Variants in MTUS1 observed in about 807,000 individuals in gnomAD.
MTUS1 encodes the protein microtubule associated scaffold protein 1.
In MTUS1, 109 loss-of-function variants were observed where a neutral mutation model predicts 120.8. That is an observed-to-expected ratio of 0.90 (90% confidence interval 0.77 to 1.06). The LOEUF is 1.06. MTUS1 is among the 50% of genes least tolerant of loss of function. The pLI is 0.00. For synonymous variants in MTUS1, 737 were observed against 550.5 expected, an observed-to-expected ratio of 1.34 and a Z score of -4.74; for missense variants, 2,210 against 1,486.3, an observed-to-expected ratio of 1.49 and a Z score of -8.01.
At chr8:17,658,460 C>T (rs925646942) in intron 8 of MTUS1, among the ~76,000 whole-genome samples, 12 of 152,148 alleles carry the variant, frequency 7.9e-5, no homozygotes, top group African/African-American at 2.7e-4. Context: ...CCTAGAAAAT[C>T]TTGAATTCCT....
intron 10 of MTUS1, 81 bp downstream of exon 10, chr8:17,654,480 T>G (rs1807759217): frequency 2.0e-6 from 2 of 1,018,440 alleles, no homozygotes; most frequent in African/African-American, 3.2e-5. Flanking sequence ...AAGCAGGAAG[T>G]TATGAATCAT....
At chr8:17,673,157 G>T (rs898364733) in intron 8 of MTUS1, among the ~76,000 whole-genome samples, 2 of 152,124 alleles carry the variant, frequency 1.3e-5, no homozygotes, top group Non-Finnish European at 2.9e-5. Context: ...AAGTTGGGTT[G>T]GTCATTTAGG....
chr8:17,730,203 G>A (rs993148177), intron 3 of MTUS1, among the ~76,000 whole-genome samples: 4 of 152,116 alleles, frequency 2.6e-5, no homozygotes, highest in Non-Finnish European at 5.9e-5. Context: ...GCAGGCCGGG[G>A]GTGGTGGCTC....
rs753198612 is a variant in MTUS1, at chr8:17,646,967, C to T, written c.3599+15G>A. 5.0e-5 allele frequency: 80 copies of T among 1,602,684 alleles called. No individual in the cohort carries two copies. The highest frequency in any genetic ancestry group is 6.6e-5 in the Non-Finnish European group (77 of 1,169,838). On this transcript the variant is annotated intron_variant, in intron 14 of 14. Coordinates refer to ENST00000693296, the MANE Select transcript of MTUS1 (RefSeq NM_001363059.2). ...AGCGGGGAGCTCGGGAGAAACAGCA[C>T]TGTTTTATTTTTACCTTGAGATTGC...
chr8:17,761,487 T>G (rs967905980), intron 1 of MTUS1, among the ~76,000 whole-genome samples: 1 of 152,188 alleles, frequency 6.6e-6, no homozygotes, highest in Admixed American at 6.5e-5. Context: ...AAATCAGTTG[T>G]CAATAGCAGA....
chr8:17,702,242 C>A (rs575556634), intron 6 of MTUS1, among the ~76,000 whole-genome samples: 1 of 152,292 alleles, frequency 6.6e-6, no homozygotes, highest in South Asian at 2.1e-4. Context: ...TTCGCCAGTA[C>A]CAGGTGCTAA....
At chr8:17,783,667 T>C (rs1368199793) in intron 1 of MTUS1, among the ~76,000 whole-genome samples, 1 of 152,186 alleles carries the variant, frequency 6.6e-6, no homozygotes, top group African/African-American at 2.4e-5. Context: ...AAGACGGTCC[T>C]TGAGTCTGAC....
At chr8:17,753,087 G>T (rs1403059276) in intron 2 of MTUS1, among the ~76,000 whole-genome samples, 2 of 152,132 alleles carry the variant, frequency 1.3e-5, no homozygotes, top group African/African-American at 4.8e-5. Context: ...ATAAGTAAAA[G>T]ATTTTATTTT....
intron 8 of MTUS1, among the ~76,000 whole-genome samples, 200 bp from the exon 9 acceptor site, chr8:17,656,265 C>T (rs1428923155): frequency 6.6e-6 from 1 of 152,102 alleles, no homozygotes; most frequent in Non-Finnish European, 1.5e-5. Flanking sequence ...CAGTGGCTCA[C>T]ACCTGTAATC....
chr8:17,700,063 C>G (rs13268246), intron 6 of MTUS1, among the ~76,000 whole-genome samples: 3 of 151,964 alleles, frequency 2.0e-5, no homozygotes. Context: ...TTTTAAAAGT[C>G]TTAATTTAAG....
chr8:17,752,601 T>C (rs1397056012), intron 2 of MTUS1, among the ~76,000 whole-genome samples: 2 of 151,976 alleles, frequency 1.3e-5, no homozygotes, highest in Non-Finnish European at 2.9e-5. Context: ...CCTAACCTTG[T>C]CTTCTAAACG....
chr8:17,720,871 G>GT (rs1267950599), intron 4 of MTUS1, among the ~76,000 whole-genome samples: 22 of 152,170 alleles, frequency 1.4e-4, no homozygotes, highest in Admixed American at 3.9e-4. Flanking sequence ...ATATCCAAAA[G>GT]GATCAAGATC....
At chr8:17,721,899 C>T (rs370461475) in intron 4 of MTUS1, 1 of 1,611,730 alleles carries the variant, frequency 6.2e-7, no homozygotes. Flanking sequence ...CTGGTACAGT[C>T]ATTTAAAAGG....
At chr8:17,769,905 CACACACACACACACACACACACG>C (rs2131441671) in intron 1 of MTUS1, among the ~76,000 whole-genome samples, 1 of 123,810 alleles carries the variant, frequency 8.1e-6, no homozygotes, top group Non-Finnish European at 1.8e-5. Flanking sequence ...CACACACACA[CACACACACACACACACACACACG>C]GGGGGGGTTG....
At chr8:17,646,804 C>A (rs375629463) in intron 14 of MTUS1, among the ~76,000 whole-genome samples, 178 bp downstream of exon 14, 1 of 152,122 alleles carries the variant, frequency 6.6e-6, no homozygotes, top group East Asian at 1.9e-4. Context: ...GTTTTCAGGC[C>A]GCTTTGGTAA....
intron 3 of MTUS1, among the ~76,000 whole-genome samples, chr8:17,728,798 G>T (rs183203051): frequency 6.6e-6 from 1 of 152,210 alleles, no homozygotes; most frequent in Non-Finnish European, 1.5e-5. Flanking sequence ...GGTCGGGGAG[G>T]GTGAGGCTTT....
intron 1 of MTUS1, among the ~76,000 whole-genome samples, chr8:17,775,858 G>A (rs1160643531): frequency 6.6e-6 from 1 of 152,196 alleles, no homozygotes; most frequent in Non-Finnish European, 1.5e-5. Context: ...AAGACACACA[G>A]CCCGATACTG....
chr8:17,705,288 T>G (rs1316204592), intron 6 of MTUS1, among the ~76,000 whole-genome samples: 1 of 152,174 alleles, frequency 6.6e-6, no homozygotes, highest in African/African-American at 2.4e-5. Flanking sequence ...ACAGCCTGTT[T>G]CTAAGGTTTT....
At chr8:17,682,265 C>T (rs1814695872) in intron 7 of MTUS1, among the ~76,000 whole-genome samples, 1 of 152,178 alleles carries the variant, frequency 6.6e-6, no homozygotes, top group African/African-American at 2.4e-5. Flanking sequence ...CCTGTAATTG[C>T]AGCACTTTGG....
Sources: gnomAD v4.1 joint callset for allele counts (sites outside exome capture counted in the v4.1 genomes callset) on GRCh38, gnomAD v4.1.1 for gene constraint, MANE v1.5 for transcripts, NCBI Gene and HGNC (gene_info 2026-07-23, HGNC 2026-07-21) for gene names.